The following CHST11 variants were observed in gnomAD, a reference collection of about 807,000 sequenced individuals.
The protein encoded by CHST11 is carbohydrate sulfotransferase 11, also known as C4S-1.
Under a neutral mutation model 30.4 loss-of-function variants are expected in CHST11, and 9 were observed. The observed-to-expected ratio is 0.30, with a 90% CI of 0.18 to 0.52. The LOEUF (loss-of-function observed/expected upper bound fraction) is 0.52. Ranked by LOEUF, CHST11 falls within the 20% of genes least tolerant of loss-of-function variation. The pLI, the probability that CHST11 is intolerant of heterozygous loss-of-function variation, is 0.97. For synonymous variants in CHST11, 152 were observed against 187.8 expected (o/e 0.81, Z 1.56); for missense variants, 348 against 460.6 (o/e 0.76, Z 2.24).
chr12:104,473,178 T>C (rs1418318546), intron 1 of CHST11, among the ~76,000 whole-genome samples: 1 of 152,124 alleles, frequency 6.6e-6, no homozygotes. Context: ...TCGGGGCCAT[T>C]TGGAAATCGT....
intron 2 of CHST11, among the ~76,000 whole-genome samples, chr12:104,751,651 A>T (rs765403004): frequency 2.6e-5 from 4 of 152,196 alleles, no homozygotes; most frequent in Non-Finnish European, 5.9e-5. Flanking sequence ...ATGCCTACGT[A>T]TTAACTACCT....
rs138300281 is a variant in CHST11 at position 104,693,285 on chromosome 12, T to G, written c.205-63664T>G. ...CATATAAATTTGAAGGGGTCACAGA[T>G]CAGCGCAACACGCCCAGTGTGACAC... On this transcript the variant is annotated intron_variant, in intron 2 of 2. Transcript: ENST00000303694. Among the ~76,000 whole-genome samples, 166 of 152,306 alleles carry G rather than the reference T, an allele frequency of 1.1e-3. 1 individual carries two copies. Among genetic ancestry groups the G allele is most frequent in the Admixed American group, 3.4e-3 (52 of 15,294 alleles).
At chr12:104,639,222 A>G (rs943701074) in intron 2 of CHST11, among the ~76,000 whole-genome samples, 2 of 152,222 alleles carry the variant, frequency 1.3e-5, no homozygotes, top group African/African-American at 2.4e-5. Flanking sequence ...ATCAGTTCAC[A>G]TAGTTTGAAG....
chr12:104,577,234 ATTTTTTTTTTTTTTTTT>A (rs34967812), intron 1 of CHST11, among the ~76,000 whole-genome samples: 1 of 74,218 alleles, frequency 1.3e-5, no homozygotes, highest in Non-Finnish European at 2.4e-5. Flanking sequence ...GCAGCCCTTC[ATTTTTTTTTTTTTTTTT>A]TTTTTTTTTT....
chr12:104,736,456 G>A (rs1238417989), intron 2 of CHST11, among the ~76,000 whole-genome samples: 1 of 152,194 alleles, frequency 6.6e-6, no homozygotes, highest in African/African-American at 2.4e-5. Context: ...TTACCCAGAG[G>A]CATCCAGCAG....
intron 2 of CHST11, among the ~76,000 whole-genome samples, chr12:104,623,992 T>A (rs976949699): frequency 6.6e-5 from 10 of 152,108 alleles, no homozygotes; most frequent in African/African-American, 2.4e-4. Context: ...TGGGGGCTCC[T>A]GAGAAACACA....
At chr12:104,726,528 C>A (rs1162710722) in intron 2 of CHST11, among the ~76,000 whole-genome samples, 1 of 152,082 alleles carries the variant, frequency 6.6e-6, no homozygotes, top group Admixed American at 6.6e-5. Context: ...CAGGGAAATC[C>A]CAGTGATCAT....
At chr12:104,628,226 G>C (rs1192564066) in intron 2 of CHST11, among the ~76,000 whole-genome samples, 1 of 152,160 alleles carries the variant, frequency 6.6e-6, no homozygotes, top group Non-Finnish European at 1.5e-5. Flanking sequence ...CAGTTGTCCT[G>C]CTTAATCCCA....
chr12:104,644,532 T>A (rs1431456046), intron 2 of CHST11, among the ~76,000 whole-genome samples: 1 of 152,268 alleles, frequency 6.6e-6, no homozygotes, highest in African/African-American at 2.4e-5. Flanking sequence ...GGCGTGGTGC[T>A]GCCTGGGCAT....
At chr12:104,681,647 A>T (rs750226406) in intron 2 of CHST11, among the ~76,000 whole-genome samples, 4 of 152,158 alleles carry the variant, frequency 2.6e-5, no homozygotes, top group Non-Finnish European at 5.9e-5. Context: ...TTAAAATGAC[A>T]TGCTAAGCCT....
chr12:104,604,056 T>G (rs2038980934), intron 2 of CHST11, among the ~76,000 whole-genome samples: 1 of 152,148 alleles, frequency 6.6e-6, no homozygotes, highest in Non-Finnish European at 1.5e-5. Flanking sequence ...GTGCTTAGCC[T>G]TTTGTGGCTG....
At chr12:104,556,719 G>A (rs560607814) in intron 1 of CHST11, among the ~76,000 whole-genome samples, 17 of 152,172 alleles carry the variant, frequency 1.1e-4, no homozygotes, top group East Asian at 3.9e-4. Context: ...GGTGGCTCAC[G>A]CCTGTAATCC....
chr12:104,651,335 T>C (rs2039487741), intron 2 of CHST11, among the ~76,000 whole-genome samples: 1 of 152,246 alleles, frequency 6.6e-6, no homozygotes, highest in African/African-American at 2.4e-5. Flanking sequence ...CTCTGGTTTG[T>C]TTCTTTGGAA....
At position 104,504,798 on chromosome 12, in the gene CHST11, C is replaced by A. The variant is rs149718101; in HGVS notation, c.118+47269C>A. On this transcript the variant is annotated intron_variant, in intron 1 of 2. Transcript: ENST00000303694. ...CTGAGCAACATAGTGAGACACCCAT[C>A]CCCCTGTCTTGAAAAATAAGCAACA... Among the ~76,000 whole-genome samples the A allele has an allele frequency of 2.6e-3, 399 of 152,170 alleles. 1 individual carries two copies. The highest frequency in any genetic ancestry group is 9.3e-3 in the African/African-American group (384 of 41,504).
intron 2 of CHST11, among the ~76,000 whole-genome samples, chr12:104,719,200 T>G (rs2040154871): frequency 6.6e-6 from 1 of 152,202 alleles, no homozygotes; most frequent in Non-Finnish European, 1.5e-5. Context: ...TCTTCTAGGC[T>G]GACAGCTCTT....
Position 104,544,975 on chromosome 12 carries a change from CA to C in CHST11, c.119-56930del, listed in dbSNP as rs1478827213. Among the ~76,000 whole-genome samples the C allele has an allele frequency of 2.6e-5, 4 of 152,054 alleles. No homozygotes were observed. The South Asian group carries it at 6.2e-4, about 24-fold the overall frequency. On this transcript the variant is annotated intron_variant, in intron 1 of 2. Coordinates refer to ENST00000303694, the MANE Select transcript of CHST11 (RefSeq NM_018413.6). ...GGGTGGGTTTATTAGGTCCACAGGG[CA>C]GCGTCCTTGTTCTGAGAAGAGGGAG...
intron 1 of CHST11, among the ~76,000 whole-genome samples, chr12:104,587,809 C>T (rs150002406): frequency 6.9e-6 from 1 of 144,578 alleles, no homozygotes; most frequent in African/African-American, 2.6e-5. Flanking sequence ...TCAGACTCTT[C>T]AATTCGTTAG....
chr12:104,508,455 T>C (rs992353991), intron 1 of CHST11, among the ~76,000 whole-genome samples: 1 of 152,236 alleles, frequency 6.6e-6, no homozygotes, highest in African/African-American at 2.4e-5. Context: ...GCTCAATAGA[T>C]GTTTGCTTTT....
chr12:104,571,437 A>C (rs1031146342), intron 1 of CHST11, among the ~76,000 whole-genome samples: 12 of 152,182 alleles, frequency 7.9e-5, no homozygotes, highest in Admixed American at 2.0e-4. Flanking sequence ...TGCTGGGATT[A>C]CAGGTCTGAG....
Sources: allele counts gnomAD v4.1 joint callset (sites outside exome capture counted in the v4.1 genomes callset), GRCh38; gene constraint gnomAD v4.1.1; transcripts MANE v1.5; gene names NCBI Gene and HGNC (gene_info 2026-07-23, HGNC 2026-07-21).